EMC1: variants seen among roughly 807,000 people sequenced by gnomAD.
EMC1 encodes the protein KIAA0090.
Under a neutral mutation model 128.8 loss-of-function variants are expected in EMC1, and 103 were observed. The ratio of observed to expected loss-of-function variants is 0.80; its 90% CI spans 0.68 to 0.94. The LOEUF (loss-of-function observed/expected upper bound fraction) is 0.94, where lower values mean the gene tolerates loss of function less well. Among genes scored for constraint, EMC1 ranks in the 40% least tolerant of loss-of-function variants. EMC1 has a pLI of 0.00. For synonymous variants in EMC1, 442 were observed against 490.4 expected (o/e 0.90, Z 1.30); for missense variants, 1,083 against 1,250.6 (o/e 0.87, Z 2.02).
At chr1:19,220,901 G>A (rs568284771) in intron 20 of EMC1, 53 bp from the exon 21 acceptor site, 1 of 1,334,352 alleles carries the variant, frequency 7.5e-7, no homozygotes, top group South Asian at 1.3e-5. Context: ...GCAAGGGCCA[G>A]TTACAAAAAT....
Position 19,242,336 on chromosome 1 carries a change from C to A in EMC1, c.509+9G>T. On this transcript the variant is annotated intron_variant, in intron 5 of 22. Transcript: ENST00000477853. ...GAGGCAGCTATTGCCTGTGAGCAGGCAGCCTTACCTTTCTGGGAGATGTTC... is the reference window on the plus strand; with the variant it reads ...GAGGCAGCTATTGCCTGTGAGCAGGAAGCCTTACCTTTCTGGGAGATGTTC... The A allele has an allele frequency of 1.2e-6, 2 of 1,614,154 alleles. No homozygotes were observed. The highest frequency in any genetic ancestry group is 1.7e-6 in the Non-Finnish European group (2 of 1,179,978).
In EMC1 at chr1:19,240,391, T is replaced by C. The variant is rs571944461; in HGVS notation, c.692A>G (p.Asp231Gly). ...QHLSGACGVV[D>G]EAVLVCPDPS... Reference sequence around the variant, plus strand: ...GTCAGGACACACCAGGACAGCCTCATCCACCACACCACAGGCTCCAGACAG... The same window carrying C: ...GTCAGGACACACCAGGACAGCCTCACCCACCACACCACAGGCTCCAGACAG... Residue 231 changes from aspartate to glycine, a missense_variant, in exon 7 of 23, where the codon GAT becomes GGT. Transcript: ENST00000477853. 4.6e-5 allele frequency: 74 copies of C among 1,614,158 alleles called. No homozygotes were observed. In the East Asian group the frequency reaches 1.6e-3, roughly 34 times the overall value.
At chr1:19,250,156 T>C (rs2093650980) in intron 1 of EMC1, among the ~76,000 whole-genome samples, 1 of 142,122 alleles carries the variant, frequency 7.0e-6, no homozygotes, top group Non-Finnish European at 1.5e-5. Context: ...AGGCGGAGGT[T>C]GTGGTGAGCC....
intron 17 of EMC1, among the ~76,000 whole-genome samples, chr1:19,230,250 GA>G (rs994808925): frequency 6.6e-6 from 1 of 151,832 alleles, no homozygotes; most frequent in East Asian, 1.9e-4. Flanking sequence ...CCCAAGAATG[GA>G]AAAAAAGTCC....
intron 8 of EMC1, 80 bp downstream of exon 8, chr1:19,239,738 G>C: frequency 3.4e-6 from 5 of 1,472,358 alleles, no homozygotes; most frequent in Non-Finnish European, 4.7e-6. Context: ...AACGTTTCCA[G>C]ATTCAAAAGC....
rs1187713014 is a variant in EMC1, at chr1:19,240,439, A to G, written c.644T>C (p.Val215Ala). Residue 215 changes from valine to alanine, a missense_variant, in exon 7 of 23, where the codon GTT (valine) becomes GCT (alanine). Transcript: ENST00000477853. ...EDGEIVQQVR[V>A]STPWLQHLSG... ...CAGGTGCTGCAGCCACGGAGTTGAA[A>G]CCCTAACCTACAGAAAAGTCATCGT... 3 of 1,613,902 alleles carry G rather than the reference A, an allele frequency of 1.9e-6. No homozygotes were observed. The highest frequency in any genetic ancestry group is 2.5e-6 in the Non-Finnish European group (3 of 1,179,988).
Position 19,238,025 on chromosome 1 carries a change from G to A in EMC1, c.1204C>T (p.Pro402Ser). ...GAAAGGCTCTGCCTTACCCGCTCAGGCCGAGTGCCGCTCTGTTCCAGGCTA... is the reference window on the plus strand; with the variant it reads ...GAAAGGCTCTGCCTTACCCGCTCAGACCGAGTGCCGCTCTGTTCCAGGCTA... ...TFSLEQSGTR[P>S]ERLYIQVFLK... The change falls in exon 11 of 23, where the codon CCT (proline) becomes TCT (serine). Residue 402 changes from proline (P) to serine (S), a missense_variant. Coordinates refer to ENST00000477853, the MANE Select transcript of EMC1 (RefSeq NM_015047.3). 6.2e-7 allele frequency: 1 copy of A among 1,613,708 alleles called. No individual in the cohort carries two copies. The highest frequency in any genetic ancestry group is 8.5e-7 in the Non-Finnish European group (1 of 1,179,852).
Position 19,236,244 on chromosome 1 carries a change from C to A in EMC1, c.1309+898G>T, listed in dbSNP as rs181533055. Among the ~76,000 whole-genome samples the A allele has an allele frequency of 2.2e-3, 333 of 152,104 alleles. 3 individuals are homozygous for A. The highest frequency in any genetic ancestry group is 7.7e-3 in the African/African-American group (320 of 41,482). On this transcript the variant is annotated intron_variant, in intron 12 of 22. Transcript: ENST00000477853. ...AATACAAAATTAGCGCCTATAATCC[C>A]AGCTACTCAGGAGGCTGAGGCAGGA...
intron 15 of EMC1, 47 bp from the exon 16 acceptor site, chr1:19,231,469 A>T (rs984440998): frequency 6.3e-7 from 1 of 1,582,652 alleles, no homozygotes; most frequent in Non-Finnish European, 8.6e-7. Context: ...AAAGACTGCA[A>T]ATCCTAGGGA....
intron 18 of EMC1, among the ~76,000 whole-genome samples, chr1:19,224,037 G>A (rs970931482): frequency 6.6e-6 from 1 of 152,156 alleles, no homozygotes; most frequent in African/African-American, 2.4e-5. Context: ...ACCACGTGAC[G>A]CAGGTGATCA....
At chr1:19,238,645 G>A (rs1015151960) in intron 10 of EMC1, 150 bp downstream of exon 10, 1 of 627,798 alleles carries the variant, frequency 1.6e-6, no homozygotes, top group Admixed American at 3.0e-5. Context: ...ATGAGATTAA[G>A]AGAAACATCA....
intron 1 of EMC1, among the ~76,000 whole-genome samples, chr1:19,248,802 C>A (rs549491772): frequency 6.6e-6 from 1 of 152,068 alleles, no homozygotes; most frequent in Non-Finnish European, 1.5e-5. Flanking sequence ...TTAGCCACTG[C>A]GCCCGGCCTG....
chr1:19,220,122 A>G (rs985986062), intron 21 of EMC1: 16 of 183,828 alleles, frequency 8.7e-5, no homozygotes, highest in African/African-American at 3.3e-4. Context: ...TCTCTCTCAT[A>G]TACTTCTCCA....
In EMC1 at chr1:19,219,666, A is replaced by T; in HGVS notation, c.2705T>A (p.Val902Glu). 2 of 1,614,054 alleles carry T rather than the reference A, an allele frequency of 1.2e-6. No homozygotes were observed. Among genetic ancestry groups the T allele is most frequent in the Non-Finnish European group, 1.7e-6 (2 of 1,179,992 alleles). The change falls in exon 22 of 23, where the codon GTA becomes GAA. Residue 902 changes from valine to glutamate, a missense_variant. By Grantham distance (121) the Val-to-Glu change is moderately radical. Transcript: ENST00000477853. ...GATGAATCGCTCTGCGTGTATCTGT[A>T]CATCTGGAGAATACGGGATTAAGTT... is the stretch of plus-strand genomic sequence containing the variant. ...EENLIPYSPD[V>E]QIHAERFINY...
At chr1:19,247,017 A>T (rs2093634745) in intron 1 of EMC1, among the ~76,000 whole-genome samples, 2 of 152,216 alleles carry the variant, frequency 1.3e-5, no homozygotes. Flanking sequence ...CCATGTAAGG[A>T]TACAGCAAGA....
In EMC1 at chr1:19,241,050, T is replaced by C. The variant is rs201268650; in HGVS notation, c.602A>G (p.Lys201Arg). 3.3e-5 allele frequency: 53 copies of C among 1,614,028 alleles called. No homozygotes were observed. Among genetic ancestry groups the C allele is most frequent in the Admixed American group, 1.5e-4 (9 of 59,996 alleles). Reference protein sequence around the residue: ...VVPFSHVNIVKFNVEDGEIVQ... With the variant: ...VVPFSHVNIVRFNVEDGEIVQ... ...AATCTCTCCATCTTCCACATTAAAC[T>C]TGACAATGTTCACATGGCTGAAGGG... Residue 201 changes from lysine to arginine, a missense_variant, in exon 6 of 23, where the codon AAG becomes AGG. Coordinates refer to ENST00000477853, the MANE Select transcript of EMC1 (RefSeq NM_015047.3).
At position 19,222,847 on chromosome 1, in the gene EMC1, G is replaced by C. The variant is rs758995647; in HGVS notation, c.2377-13C>G. On this transcript the variant is annotated splice_polypyrimidine_tract_variant and intron_variant, in intron 19 of 22. Transcript: ENST00000477853. ...TCCAGTACTGGTACTGCAGGGATAG[G>C]AGGTGGCAGCTCAGGGCTTAGCAGC... 9.4e-6 allele frequency: 15 copies of C among 1,590,304 alleles called. No individual in the cohort carries two copies. Among genetic ancestry groups the C allele is most frequent in the Non-Finnish European group, 1.2e-5 (14 of 1,163,976 alleles).
intron 8 of EMC1, 136 bp from the exon 9 acceptor site, chr1:19,239,438 C>G (rs1406070869): frequency 1.4e-6 from 1 of 709,572 alleles, no homozygotes; most frequent in African/African-American, 1.8e-5. Flanking sequence ...AATGGTCAGG[C>G]ATTTAAGAGC....
chr1:19,248,664 C>A (rs1004482153), intron 1 of EMC1, among the ~76,000 whole-genome samples: 1 of 151,906 alleles, frequency 6.6e-6, no homozygotes, highest in African/African-American at 2.4e-5. Flanking sequence ...GTGATCCACC[C>A]GCCTCGGCCT....
Sources: allele counts gnomAD v4.1 joint callset (sites outside exome capture counted in the v4.1 genomes callset), GRCh38; gene constraint gnomAD v4.1.1; transcripts MANE v1.5; gene names NCBI Gene and HGNC (gene_info 2026-07-23, HGNC 2026-07-21).